LITAF: variants seen among roughly 807,000 people sequenced by gnomAD.
The protein encoded by LITAF is lipopolysaccharide-induced tumor necrosis factor-alpha factor.
A neutral mutation model predicts 14.5 loss-of-function variants in LITAF; 9 were observed. That is an observed-to-expected ratio of 0.62 (90% confidence interval 0.37 to 1.08). LITAF has a LOEUF of 1.08. Among genes scored for constraint, LITAF ranks in the 50% least tolerant of loss-of-function variants. The pLI is 0.01. For synonymous variants in LITAF, 98 were observed against 88.2 expected (o/e 1.11, Z -0.62); for missense variants, 206 against 213.4 (o/e 0.97, Z 0.22).
intron 1 of LITAF, among the ~76,000 whole-genome samples, chr16:11,581,751 G>C (rs1019128899): frequency 2.6e-5 from 4 of 152,254 alleles, no homozygotes; most frequent in African/African-American, 9.6e-5. Context: ...AAGATACCTA[G>C]AATTTCAGCA....
chr16:11,551,403 G>T (rs567256511), intron 3 of LITAF, among the ~76,000 whole-genome samples: 2 of 152,290 alleles, frequency 1.3e-5, no homozygotes, highest in East Asian at 3.9e-4. Context: ...GCACAGAGAG[G>T]TAAAGTCACT....
chr16:11,576,926 A>T (rs1467948261), intron 1 of LITAF, among the ~76,000 whole-genome samples: 1 of 152,198 alleles, frequency 6.6e-6, no homozygotes, highest in Non-Finnish European at 1.5e-5. Flanking sequence ...TGAAAATTCC[A>T]GAAAACAGCA....
At chr16:11,571,199 C>G (rs2064536858) in intron 1 of LITAF, among the ~76,000 whole-genome samples, 1 of 152,186 alleles carries the variant, frequency 6.6e-6, no homozygotes, top group East Asian at 1.9e-4. Context: ...TTCTGAGTAG[C>G]TGGGATTACA....
intron 3 of LITAF, among the ~76,000 whole-genome samples, chr16:11,550,795 G>T (rs1230015640): frequency 6.6e-6 from 1 of 152,020 alleles, no homozygotes; most frequent in Non-Finnish European, 1.5e-5. Flanking sequence ...CACACACCCG[G>T]CCACATACTT....
At chr16:11,629,615 C>T (rs1418770672) in intron 3 of LITAF, among the ~76,000 whole-genome samples, 2 of 152,182 alleles carry the variant, frequency 1.3e-5, no homozygotes. Context: ...CAGCCGGCTC[C>T]TTCCTTCCTC....
Position 11,547,837 on chromosome 16 carries a change from C to A in LITAF, c.*1800G>T. The A allele has an allele frequency of 2.2e-6, 1 of 454,116 alleles. No homozygotes were observed. The highest frequency in any genetic ancestry group is 4.4e-6 in the Non-Finnish European group (1 of 226,794). The allele number at this position is 454,116 out of a possible 1,614,324, so 28.1% of individuals were successfully genotyped here. A position where few individuals can be genotyped will look rare whatever the true frequency, so the allele number is the denominator to read the frequency against. On this transcript the variant is annotated 3_prime_UTR_variant, in exon 4 of 4. Transcript: ENST00000622633. Reference sequence around the variant, plus strand: ...CTGACTCGTTAGCAAATCCACCCAACTCAACATCGGTCATCTTGACATTGC... The same window carrying A: ...CTGACTCGTTAGCAAATCCACCCAAATCAACATCGGTCATCTTGACATTGC...
At position 11,570,036 on chromosome 16, in the gene LITAF, A is replaced by C. The variant is rs566892758; in HGVS notation, c.-5-13301T>G. Among the ~76,000 whole-genome samples, 449 of 152,146 alleles carry C rather than the reference A, an allele frequency of 3.0e-3. 5 individuals are homozygous for C. The highest frequency in any genetic ancestry group is 3.3e-3 in the Admixed American group (51 of 15,284). On this transcript the variant is annotated intron_variant, in intron 1 of 3. Transcript: ENST00000622633. ...CAGAGCGAGACTTTGCCTCAAAAAAAAAAAAAAAGTTAAAATGGCAGAATT... is the reference window on the plus strand; with the variant it reads ...CAGAGCGAGACTTTGCCTCAAAAAACAAAAAAAAGTTAAAATGGCAGAATT...
chr16:11,569,198 A>C (rs2064504107), intron 1 of LITAF, among the ~76,000 whole-genome samples: 1 of 152,158 alleles, frequency 6.6e-6, no homozygotes, highest in African/African-American at 2.4e-5. Flanking sequence ...GAGGCCACTA[A>C]GCTCAGAGAT....
chr16:11,585,476 G>A (rs1393010442), intron 1 of LITAF, among the ~76,000 whole-genome samples: 2 of 152,118 alleles, frequency 1.3e-5, no homozygotes, highest in Admixed American at 6.6e-5. Flanking sequence ...AGAAAGCCAA[G>A]TGCAATATGG....
intron 3 of LITAF, among the ~76,000 whole-genome samples, chr16:11,611,441 C>T (rs1412988365): frequency 6.6e-6 from 1 of 152,168 alleles, no homozygotes; most frequent in Admixed American, 6.5e-5. Flanking sequence ...TATACTTATA[C>T]TAAAAAATCA....
chr16:11,570,029 C>CAAAAAAA (rs61431032), intron 1 of LITAF, among the ~76,000 whole-genome samples: 15 of 122,820 alleles, frequency 1.2e-4, no homozygotes, highest in African/African-American at 3.6e-4. Context: ...GACTTTGCCT[C>CAAAAAAA]AAAAAAAAAA....
At chr16:11,602,333 G>A (rs962907506), upstream of LITAF, among the ~76,000 whole-genome samples, 22 of 152,290 alleles carry the variant, frequency 1.4e-4, no homozygotes, top group Middle Eastern at 3.4e-3. Context: ...TCCAGCCTGG[G>A]TGATAGAATG....
intron 3 of LITAF, among the ~76,000 whole-genome samples, chr16:11,627,116 T>C (rs2065088804): frequency 6.6e-6 from 1 of 152,190 alleles, no homozygotes; most frequent in South Asian, 2.1e-4. Context: ...AGGGGCTGTG[T>C]CATGCACATG....
In LITAF at chr16:11,553,827, G is replaced by T; in HGVS notation, c.221-138C>A. 4 of 988,798 alleles carry T rather than the reference G, an allele frequency of 4.0e-6. No individual in the cohort carries two copies. The highest frequency in any genetic ancestry group is 2.1e-5 in the Admixed American group (1 of 48,548). 61.3% of individuals were successfully genotyped at this position (988,798 alleles called of 1,614,324 possible). On this transcript the variant is annotated intron_variant, in intron 2 of 3. Transcript: ENST00000622633. This position sits in a 1 kb window ranked among gnomAD's most constrained non-coding sequence, Gnocchi z 7.7. ...TTTGTGTTCATAGCATGCGTTCATC[G>T]TCTGGCTATCTATGAGAGCCAAAAG...
Position 11,549,724 on chromosome 16 carries a change from G to A in LITAF, c.399C>T (p.Phe133=), listed in dbSNP as rs1012676457. ...CLLGCIAGCC[F]IPFCVDALQD... is the part of the protein sequence containing the mutation. The stretch of plus-strand genomic sequence containing the variant: ...GCAGGGCATCCACGCAGAAGGGGAT[G>A]AAGCAGCAGCCCGCTATGCACCTGG... The change falls in exon 4 of 4, where the codon TTC becomes TTT. Residue 133 remains phenylalanine, a synonymous_variant. Coordinates refer to ENST00000622633, the MANE Select transcript of LITAF (RefSeq NM_001136472.2). This position sits in a 1 kb window ranked among gnomAD's most constrained non-coding sequence, Gnocchi z 4.6. 2 of 1,613,450 alleles carry A rather than the reference G, an allele frequency of 1.2e-6. No homozygotes were observed. Among genetic ancestry groups the A allele is most frequent in the African/African-American group, 1.3e-5 (1 of 74,926 alleles).
At chr16:11,625,331 C>T (rs2065077502) in intron 3 of LITAF, among the ~76,000 whole-genome samples, 1 of 150,686 alleles carries the variant, frequency 6.6e-6, no homozygotes, top group South Asian at 2.1e-4. Context: ...AGTGCGATCT[C>T]GGCTCACTGC....
At chr16:11,562,954 AT>A (rs1181625654) in intron 1 of LITAF, among the ~76,000 whole-genome samples, 6 of 151,684 alleles carry the variant, frequency 4.0e-5, no homozygotes, top group East Asian at 1.9e-4. Context: ...ATCTTTAAAA[AT>A]TTTTTTTAAT....
intron 1 of LITAF, among the ~76,000 whole-genome samples, chr16:11,557,313 G>A (rs939304190): frequency 2.6e-5 from 4 of 151,922 alleles, no homozygotes; most frequent in African/African-American, 9.7e-5. Context: ...AAAGGGGTAT[G>A]AGGGGGCCTT....
chr16:11,636,220 G>A (rs1456091481), intron 1 of LITAF: 1 of 152,216 alleles, frequency 6.6e-6, no homozygotes, highest in Non-Finnish European at 1.5e-5. Flanking sequence ...GTGAAGCAGC[G>A]TCGTTGTCTG....
Sources: gnomAD v4.1 joint callset for allele counts (sites outside exome capture counted in the v4.1 genomes callset) on GRCh38, gnomAD v4.1.1 for gene constraint, Gnocchi (gnomAD v3.1) non-coding constraint, MANE v1.5 for transcripts, NCBI Gene and HGNC (gene_info 2026-07-23, HGNC 2026-07-21) for gene names.